Variants in OBI1 observed in about 807,000 individuals in gnomAD.
OBI1 encodes the protein ORC ubiquitin ligase 1, also known as ring finger protein 219.
Under a neutral mutation model 62.4 loss-of-function variants are expected in OBI1, and 59 were observed. The ratio of observed to expected loss-of-function variants is 0.95; its 90% CI spans 0.77 to 1.17. The LOEUF is 1.17. Ranked by LOEUF, OBI1 falls within the 50% of genes most tolerant of loss-of-function variation. OBI1 has a pLI of 0.00. For synonymous variants in OBI1, 302 were observed against 292.8 expected, an observed-to-expected ratio of 1.03 and a Z score of -0.32; for missense variants, 875 against 830.9, an observed-to-expected ratio of 1.05 and a Z score of -0.65.
At chr13:78,632,113 A>G (rs1179209130) in intron 5 of OBI1, among the ~76,000 whole-genome samples, 1 of 152,058 alleles carries the variant, frequency 6.6e-6, no homozygotes, top group African/African-American at 2.4e-5. Flanking sequence ...CCTGACCTCT[A>G]ATGTGTCTGT....
At chr13:78,624,234 A>C (rs1391208801) in intron 5 of OBI1, among the ~76,000 whole-genome samples, 1 of 152,236 alleles carries the variant, frequency 6.6e-6, no homozygotes, top group Non-Finnish European at 1.5e-5. Context: ...TTTATCACAA[A>C]ACAGAAAGTG....
In OBI1 at chr13:78,640,012, A is replaced by AAAAAC. The variant is rs1268692271; in HGVS notation, c.301-946_301-942dup. Among the ~76,000 whole-genome samples, 10 of 152,042 alleles carry AAAAAC rather than the reference A, an allele frequency of 6.6e-5. No individual in the cohort carries two copies. In the South Asian group the frequency reaches 1.5e-3, roughly 22 times the overall value. On this transcript the variant is annotated intron_variant, in intron 3 of 5. Coordinates refer to ENST00000282003, the MANE Select transcript of OBI1 (RefSeq NM_024546.4). ...TATAATTAAAAACAAAAACAAAAAC[A>AAAAAC]AAAACAAAACAAAACAAACAAACAA...
In OBI1 at chr13:78,616,528, G is replaced by C; in HGVS notation, c.1233C>G (p.Val411=). The part of the protein sequence containing the change: ...STPENRESSV[V]QAGGSKKHSN... ...AGTGCTTTTTGGAACCTCCTGCTTGGACCACAGAGCTCTCTCTATTTTCTG... is the reference window on the plus strand; with the variant it reads ...AGTGCTTTTTGGAACCTCCTGCTTGCACCACAGAGCTCTCTCTATTTTCTG... The change falls in exon 6 of 6, where the codon GTC becomes GTG. Residue 411 remains valine, a synonymous_variant. Transcript: ENST00000282003. 5 of 1,613,994 alleles carry C rather than the reference G, an allele frequency of 3.1e-6. No homozygotes were observed. The African/African-American group carries it at 5.3e-5, about 17-fold the overall frequency.
chr13:78,624,978 T>C (rs1875623779), intron 5 of OBI1, among the ~76,000 whole-genome samples: 1 of 152,234 alleles, frequency 6.6e-6, no homozygotes, highest in South Asian at 2.1e-4. Flanking sequence ...TTTCTCTGCA[T>C]TGCCTGTGAG....
intron 5 of OBI1, among the ~76,000 whole-genome samples, chr13:78,633,160 G>C (rs932754912): frequency 1.3e-5 from 2 of 152,144 alleles, no homozygotes; most frequent in Admixed American, 6.5e-5. Context: ...TGACTGGCAA[G>C]GCAAGCTGCC....
rs554835287 is a variant in OBI1 at position 78,619,939 on chromosome 13, C to G, written c.639-2817G>C. Among the ~76,000 whole-genome samples the G allele has an allele frequency of 1.4e-4, 22 of 152,316 alleles. No homozygotes were observed. The South Asian group carries it at 1.9e-3, about 13-fold the overall frequency. On this transcript the variant is annotated intron_variant, in intron 5 of 5. Coordinates refer to ENST00000282003, the MANE Select transcript of OBI1 (RefSeq NM_024546.4). Reference sequence around the variant, plus strand: ...AAGTATTATGACAGTCACTGTATTACTAAAGTAAACATGTTTTGTTTACTA... The same window carrying G: ...AAGTATTATGACAGTCACTGTATTAGTAAAGTAAACATGTTTTGTTTACTA...
chr13:78,636,833 A>C (rs1876044875), intron 4 of OBI1, among the ~76,000 whole-genome samples: 1 of 152,178 alleles, frequency 6.6e-6, no homozygotes, highest in Non-Finnish European at 1.5e-5. Flanking sequence ...TGATGATGAC[A>C]AGCTTAAATT....
chr13:78,632,287 G>A (rs978900611), intron 5 of OBI1, among the ~76,000 whole-genome samples: 1 of 152,082 alleles, frequency 6.6e-6, no homozygotes, highest in Non-Finnish European at 1.5e-5. Context: ...ATCACAACCC[G>A]ACCCTGCCAA....
rs1484071869 is a variant in OBI1, at chr13:78,616,471, A to G, written c.1290T>C (p.Asp430=). ...SNHLRKLVFD[D]FCDSSNVSNK... ...TAGAAACATTTGAAGAATCACAAAA[A>G]TCATCAAACACCAATTTTCTGAGAT... The change falls in exon 6 of 6, where the codon GAT becomes GAC. Residue 430 remains aspartate (D), a synonymous_variant. Coordinates refer to ENST00000282003, the MANE Select transcript of OBI1 (RefSeq NM_024546.4). 6.2e-7 allele frequency: 1 copy of G among 1,614,110 alleles called. No homozygotes were observed. The highest frequency in any genetic ancestry group is 8.5e-7 in the Non-Finnish European group (1 of 1,180,028).
intron 1 of OBI1, among the ~76,000 whole-genome samples, chr13:78,656,324 T>C (rs1593804034): frequency 6.6e-6 from 1 of 152,054 alleles, no homozygotes; most frequent in East Asian, 1.9e-4. Flanking sequence ...TGGCTCACGC[T>C]TGTAATCCCA....
At chr13:78,638,776 C>G in intron 4 of OBI1, 47 bp downstream of exon 4, 1 of 1,527,256 alleles carries the variant, frequency 6.5e-7, no homozygotes, top group Non-Finnish European at 8.9e-7. Context: ...TTTGAAGGTA[C>G]TTATTTTAAA....
chr13:78,634,962 G>A (rs927860113), intron 5 of OBI1, 148 bp downstream of exon 5: 13 of 488,578 alleles, frequency 2.7e-5, no homozygotes, highest in Middle Eastern at 3.7e-4. Flanking sequence ...CCAACAACAC[G>A]AAGTATAAAC....
chr13:78,641,592 T>C (rs1263156476), intron 3 of OBI1, among the ~76,000 whole-genome samples: 1 of 152,196 alleles, frequency 6.6e-6, no homozygotes, highest in Non-Finnish European at 1.5e-5. Flanking sequence ...CATTCACCTT[T>C]AGACAATAAT....
chr13:78,635,765 T>C (rs1421500809), intron 4 of OBI1, among the ~76,000 whole-genome samples: 3 of 152,184 alleles, frequency 2.0e-5, no homozygotes, highest in Non-Finnish European at 2.9e-5. Context: ...TCTATGTATC[T>C]ATTTATCTAT....
chr13:78,617,857 A>C (rs1272248305), intron 5 of OBI1, among the ~76,000 whole-genome samples: 1 of 152,156 alleles, frequency 6.6e-6, no homozygotes, highest in Non-Finnish European at 1.5e-5. Flanking sequence ...TTTTTTGTAC[A>C]CTTTCTGAAA....
In OBI1 at chr13:78,615,756, C is replaced by T. The variant is rs1368831247; in HGVS notation, c.2005G>A (p.Gly669Arg). The part of the protein sequence containing the change: ...SHRLFEDQRF[G>R]SSLFKMSSEM... ...GAGGACATCTTAAACAAAGATGACC[C>T]AAATCTTTGATCTTCAAATAGTCGA... Residue 669 changes from glycine to arginine, a missense_variant, in exon 6 of 6, where the codon GGG (glycine) becomes AGG (arginine). Physicochemically the swap from Gly to Arg is moderately radical, Grantham distance 125. Transcript: ENST00000282003. 9 of 1,613,858 alleles carry T rather than the reference C, an allele frequency of 5.6e-6. No homozygotes were observed. Among genetic ancestry groups the T allele is most frequent in the East Asian group, 2.2e-5 (1 of 44,868 alleles).
At position 78,615,711 on chromosome 13, in the gene OBI1, T is replaced by C; in HGVS notation, c.2050A>G (p.Asn684Asp). The C allele has an allele frequency of 6.2e-7, 1 of 1,614,136 alleles. No individual in the cohort carries two copies. The highest frequency in any genetic ancestry group is 8.5e-7 in the Non-Finnish European group (1 of 1,179,964). The change falls in exon 6 of 6, where the codon AAC (asparagine) becomes GAC (aspartate). Residue 684 changes from asparagine to aspartate, a missense_variant. Transcript: ENST00000282003. ...GTAGACCAAGGAGACTGAAGGTGGT[T>C]ATGAAGACTGTGCATCTCTGAGGAC... ...KMSSEMHSLH[N>D]HLQSPWSTSF...
intron 2 of OBI1, among the ~76,000 whole-genome samples, chr13:78,642,623 G>A (rs1246841676): frequency 6.6e-6 from 1 of 152,186 alleles, no homozygotes; most frequent in Non-Finnish European, 1.5e-5. Context: ...AGTGGCTCAC[G>A]CCTGTAATCC....
chr13:78,626,786 G>A (rs1875680073), intron 5 of OBI1, among the ~76,000 whole-genome samples: 1 of 152,144 alleles, frequency 6.6e-6, no homozygotes, highest in African/African-American at 2.4e-5. Flanking sequence ...AGAATATTGG[G>A]GCCAGGCGTG....
Sources: gnomAD v4.1 joint callset for allele counts (sites outside exome capture counted in the v4.1 genomes callset) on GRCh38, gnomAD v4.1.1 for gene constraint, MANE v1.5 for transcripts, NCBI Gene and HGNC (gene_info 2026-07-23, HGNC 2026-07-21) for gene names.